The following RAD54B variants were observed in gnomAD, a reference collection of about 807,000 sequenced individuals.
The protein encoded by RAD54B is RAD54 homolog B, also known as DNA repair and recombination protein RAD54B.
RAD54B carries 78 observed loss-of-function variants against 95.8 expected under a neutral mutation model. That is an observed-to-expected ratio of 0.81 (90% confidence interval 0.68 to 0.98). The LOEUF (loss-of-function observed/expected upper bound fraction) is 0.98. Among genes scored for constraint, RAD54B ranks in the 50% least tolerant of loss-of-function variants. The pLI, the probability that RAD54B is intolerant of heterozygous loss-of-function variation, is 0.00. For synonymous variants in RAD54B, 328 were observed against 354.9 expected (o/e 0.92, Z 0.85); for missense variants, 957 against 1,056.6 (o/e 0.91, Z 1.31).
At chr8:94,455,341 G>C (rs1382064402) in intron 3 of RAD54B, among the ~76,000 whole-genome samples, 1 of 152,166 alleles carries the variant, frequency 6.6e-6, no homozygotes, top group Non-Finnish European at 1.5e-5. Context: ...AAGTTTCTCA[G>C]GATCTCTTTG....
intron 4 of RAD54B, 145 bp downstream of exon 4, chr8:94,410,976 A>G: frequency 1.7e-6 from 1 of 584,940 alleles, no homozygotes; most frequent in Non-Finnish European, 2.9e-6. Context: ...AGATTATTTT[A>G]TGTATTATAC....
intron 5 of RAD54B, among the ~76,000 whole-genome samples, chr8:94,405,325 T>C (rs2130022779): frequency 6.6e-6 from 1 of 152,124 alleles, no homozygotes; most frequent in East Asian, 1.9e-4. Context: ...GCCTACATCA[T>C]GTTTATAAAA....
At position 94,399,551 on chromosome 8, in the gene RAD54B, A is replaced by G; in HGVS notation, c.1241T>C (p.Leu414Pro). The G allele has an allele frequency of 6.2e-7, 1 of 1,613,116 alleles. No individual in the cohort carries two copies. Among genetic ancestry groups the G allele is most frequent in the East Asian group, 2.2e-5 (1 of 44,844 alleles). The change falls in exon 8 of 15, where the codon CTT becomes CCT. Residue 414 changes from leucine to proline, a missense_variant. Physicochemically the swap from Leu to Pro is moderately conservative, Grantham distance 98. Coordinates refer to ENST00000336148, the MANE Select transcript of RAD54B (RefSeq NM_012415.3). Reference protein sequence around the residue: ...SVLIISYEMLLRSLDQIKNIK... With the variant: ...SVLIISYEMLPRSLDQIKNIK... The stretch of plus-strand genomic sequence containing the variant: ...ATTCTTAATTTGATCCAGGGAACGA[A>G]GTAACATTTCATAACTGATAATAAG...
At chr8:94,468,382 G>A (rs1295654095) in intron 1 of RAD54B, among the ~76,000 whole-genome samples, 1 of 152,138 alleles carries the variant, frequency 6.6e-6, no homozygotes, top group Non-Finnish European at 1.5e-5. Flanking sequence ...GCCGTCTCAA[G>A]TTTGGTTTGG....
At chr8:94,443,483 AAATAAT>A (rs1330359239) in intron 3 of RAD54B, among the ~76,000 whole-genome samples, 1 of 152,156 alleles carries the variant, frequency 6.6e-6, no homozygotes, top group Non-Finnish European at 1.5e-5. Flanking sequence ...AGTTTAAGAA[AAATAAT>A]AATAGTAATA....
intron 14 of RAD54B, chr8:94,372,890 AT>A (rs1167126548): frequency 6.6e-6 from 1 of 152,508 alleles, no homozygotes; most frequent in Non-Finnish European, 1.5e-5. Flanking sequence ...TTTGTCACAA[AT>A]TTATGAAGAA....
chr8:94,393,465 C>A, intron 9 of RAD54B: 1 of 301,374 alleles, frequency 3.3e-6, no homozygotes, highest in Admixed American at 5.1e-5. Flanking sequence ...TAGAAAAGTA[C>A]AAAAGTCACT....
At chr8:94,450,277 T>C (rs910552977) in intron 3 of RAD54B, among the ~76,000 whole-genome samples, 4 of 152,224 alleles carry the variant, frequency 2.6e-5, no homozygotes, top group African/African-American at 9.6e-5. Context: ...TTTTTAAAAA[T>C]CAGTTTCCAT....
At chr8:94,432,464 T>G (rs766894531) in intron 3 of RAD54B, 2 of 1,550,474 alleles carry the variant, frequency 1.3e-6, no homozygotes, top group South Asian at 2.4e-5. Context: ...ACAAGGATCT[T>G]TCCATAACAT....
intron 2 of RAD54B, among the ~76,000 whole-genome samples, chr8:94,465,652 T>C (rs1813007578): frequency 6.6e-6 from 1 of 152,180 alleles, no homozygotes; most frequent in Non-Finnish European, 1.5e-5. Context: ...GCAAATCCAT[T>C]TCTAGTTATA....
At chr8:94,402,830 T>C (rs1811294711) in intron 6 of RAD54B, among the ~76,000 whole-genome samples, 1 of 152,150 alleles carries the variant, frequency 6.6e-6, no homozygotes, top group South Asian at 2.1e-4. Context: ...ATTGCAATAG[T>C]CTAGATAAAA....
chr8:94,436,773 G>A, intron 3 of RAD54B: 1 of 1,550,362 alleles, frequency 6.5e-7, no homozygotes, highest in Non-Finnish European at 8.7e-7. Context: ...GTTTATTAGT[G>A]TGTTCTTCGA....
intron 3 of RAD54B, among the ~76,000 whole-genome samples, chr8:94,438,411 TG>T (rs1191203291): frequency 1.5e-4 from 23 of 152,290 alleles, no homozygotes; most frequent in Non-Finnish European, 2.9e-5. Context: ...CTCTGTAAAT[TG>T]TAGAAATCAG....
At chr8:94,410,736 T>C (rs757299869) in intron 4 of RAD54B, among the ~76,000 whole-genome samples, 7 of 152,216 alleles carry the variant, frequency 4.6e-5, no homozygotes, top group Non-Finnish European at 1.0e-4. Context: ...TGAAATTACA[T>C]ATCATTCAAC....
intron 1 of RAD54B, among the ~76,000 whole-genome samples, chr8:94,474,271 C>G (rs1460013771): frequency 1.3e-5 from 2 of 152,140 alleles, no homozygotes; most frequent in African/African-American, 2.4e-5. Context: ...ATGCTCACTA[C>G]CTGGGTGACA....
At chr8:94,432,649 A>G in intron 3 of RAD54B, 1 of 1,532,634 alleles carries the variant, frequency 6.5e-7, no homozygotes, top group Non-Finnish European at 8.8e-7. Context: ...TCCTCATCCA[A>G]GTTTGCACTA....
chr8:94,393,991 G>A, intron 8 of RAD54B, 109 bp from the exon 9 acceptor site: 3 of 1,035,504 alleles, frequency 2.9e-6, no homozygotes, highest in Non-Finnish European at 2.8e-6. Context: ...TTCCCTAAAA[G>A]GAATAAATAC....
chr8:94,373,931 T>C (rs1185431811), intron 14 of RAD54B, among the ~76,000 whole-genome samples: 1 of 152,206 alleles, frequency 6.6e-6, no homozygotes, highest in Non-Finnish European at 1.5e-5. Flanking sequence ...CCTCAAGTCA[T>C]TCCTTAATAT....
Position 94,407,720 on chromosome 8 carries a change from C to T in RAD54B, c.500G>A (p.Gly167Asp). The T allele has an allele frequency of 6.2e-7, 1 of 1,603,180 alleles. No homozygotes were observed. Among genetic ancestry groups the T allele is most frequent in the Non-Finnish European group, 8.5e-7 (1 of 1,173,782 alleles). ...KNLEGKDIGR[G>D]IGYKFKELEK... ...AAGCTCTTTGAATTTATAACCAATG[C>T]CTTTAAGTTAAGAAAGAAAAAAATT... Residue 167 changes from glycine to aspartate, a missense_variant and splice_region_variant, in exon 5 of 15, where the codon GGC becomes GAC. Transcript: ENST00000336148.
Sources: allele counts gnomAD v4.1 joint callset (sites outside exome capture counted in the v4.1 genomes callset), GRCh38; gene constraint gnomAD v4.1.1; transcripts MANE v1.5; gene names NCBI Gene and HGNC (gene_info 2026-07-23, HGNC 2026-07-21).